Variants in RPTOR observed in about 807,000 individuals in gnomAD.
RPTOR encodes the protein regulatory-associated protein of mTOR.
A neutral mutation model predicts 169.9 loss-of-function variants in RPTOR; 21 were observed. That is an observed-to-expected ratio of 0.12 (90% confidence interval 0.09 to 0.18). RPTOR has a LOEUF of 0.18. RPTOR is among the 10% of genes least tolerant of loss of function. The pLI is 1.00. For missense variants in RPTOR, 1,133 were observed against 1,855.9 expected (o/e 0.61, Z 7.16); for synonymous variants, 732 against 753.2 (o/e 0.97, Z 0.46).
At chr17:80,859,944 C>T (rs1001823988) in intron 13 of RPTOR, among the ~76,000 whole-genome samples, 2 of 152,022 alleles carry the variant, frequency 1.3e-5, no homozygotes, top group African/African-American at 4.8e-5. Context: ...TGCGCCGGGT[C>T]TGGAGCTCCT....
chr17:80,559,682 C>T (rs2084455316), intron 1 of RPTOR, among the ~76,000 whole-genome samples: 1 of 152,142 alleles, frequency 6.6e-6, no homozygotes, highest in South Asian at 2.1e-4. Flanking sequence ...AGCTCCAGTC[C>T]AGCTCCTCAC....
At chr17:80,930,418 C>CTCCAG (rs2068877724) in intron 24 of RPTOR, among the ~76,000 whole-genome samples, 1 of 27,924 alleles carries the variant, frequency 3.6e-5, no homozygotes, top group Admixed American at 3.9e-4. Context: ...CCCAGCTCAT[C>CTCCAG]CTCAGCTCAT....
intron 13 of RPTOR, among the ~76,000 whole-genome samples, chr17:80,868,749 T>A (rs1442860835): frequency 6.6e-6 from 1 of 152,158 alleles, no homozygotes; most frequent in East Asian, 1.9e-4. Context: ...AGCGGATGAA[T>A]AAGCAAACTG....
intron 6 of RPTOR, among the ~76,000 whole-genome samples, chr17:80,766,927 G>T (rs544824036): frequency 1.4e-4 from 22 of 152,138 alleles, no homozygotes; most frequent in Non-Finnish European, 2.5e-4. Context: ...CCCAAAATTT[G>T]TAAAAATTCA....
rs929712680 is a variant in RPTOR at position 80,959,038 on chromosome 17, C to A, written c.3478-1040C>A. 2.1e-4 allele frequency among the ~76,000 whole-genome samples: 32 copies of A among 152,338 alleles called. No homozygotes were observed. The highest frequency in any genetic ancestry group is 7.5e-4 in the African/African-American group (31 of 41,584). Reference sequence around the variant, plus strand: ...GGCTCAGCCCTGCTGCCGTAGAGGGCGGTGTGGAGCAGGCCCAGCAGAGGG... The same window carrying A: ...GGCTCAGCCCTGCTGCCGTAGAGGGAGGTGTGGAGCAGGCCCAGCAGAGGG... On this transcript the variant is annotated intron_variant, in intron 29 of 33. Coordinates refer to ENST00000306801, the MANE Select transcript of RPTOR (RefSeq NM_020761.3). The surrounding 1 kb of genome is among the most constrained non-coding windows in gnomAD (Gnocchi z 6.7).
chr17:80,723,654 G>A (rs941536911), intron 4 of RPTOR, among the ~76,000 whole-genome samples: 11 of 151,262 alleles, frequency 7.3e-5, no homozygotes, highest in African/African-American at 2.7e-4. Context: ...CTCTTTGTGT[G>A]CTCGTTACTA....
intron 4 of RPTOR, among the ~76,000 whole-genome samples, chr17:80,720,103 A>C (rs2066272296): frequency 6.6e-6 from 1 of 152,110 alleles, no homozygotes; most frequent in Non-Finnish European, 1.5e-5. Context: ...GGAGTTTGAG[A>C]CCAGCATGGT....
At chr17:80,895,450 C>A (rs2068386720) in intron 20 of RPTOR, among the ~76,000 whole-genome samples, 3 of 152,240 alleles carry the variant, frequency 2.0e-5, no homozygotes, top group African/African-American at 7.2e-5. Context: ...TTGGCCCGGC[C>A]CATCTCTCTC....
chr17:80,907,628 C>A (rs900190010), intron 20 of RPTOR, among the ~76,000 whole-genome samples: 9 of 152,254 alleles, frequency 5.9e-5, no homozygotes, highest in African/African-American at 2.2e-4. Flanking sequence ...GCCCACATAG[C>A]CCGTGCCTGC....
intron 20 of RPTOR, among the ~76,000 whole-genome samples, chr17:80,902,694 T>C (rs1284967555): frequency 1.3e-5 from 2 of 152,212 alleles, no homozygotes; most frequent in African/African-American, 4.8e-5. Context: ...TGTGTCCACA[T>C]GTCCCGGGAC....
intron 7 of RPTOR, among the ~76,000 whole-genome samples, chr17:80,812,831 G>A (rs2067287013): frequency 6.6e-6 from 1 of 152,238 alleles, no homozygotes; most frequent in Non-Finnish European, 1.5e-5. Flanking sequence ...CCCTAAACCT[G>A]TGGGAACCAC....
At chr17:80,829,304 CGG>C (rs1444630395) in intron 9 of RPTOR, among the ~76,000 whole-genome samples, 2 of 152,136 alleles carry the variant, frequency 1.3e-5, no homozygotes, top group East Asian at 3.8e-4. Flanking sequence ...AGCAGAAAGA[CGG>C]GGCTGGTGTC....
chr17:80,702,046 G>A (rs1198823757), intron 3 of RPTOR, among the ~76,000 whole-genome samples: 4 of 152,174 alleles, frequency 2.6e-5, no homozygotes, highest in Non-Finnish European at 4.4e-5. Context: ...ACTTGTATGA[G>A]AAGGAGCTCC....
At chr17:80,684,727 G>A (rs2065924018) in intron 3 of RPTOR, among the ~76,000 whole-genome samples, 1 of 152,114 alleles carries the variant, frequency 6.6e-6, no homozygotes, top group South Asian at 2.1e-4. Flanking sequence ...TTACAGGCGT[G>A]AGCCACTGCG....
chr17:80,633,255 T>C lies in RPTOR; in HGVS notation c.265+7462T>C, dbSNP rs951669070. On this transcript the variant is annotated intron_variant, in intron 2 of 33. Coordinates refer to ENST00000306801, the MANE Select transcript of RPTOR (RefSeq NM_020761.3). The surrounding 1 kb of genome is among the most constrained non-coding windows in gnomAD (Gnocchi z 4.1). ...CCAGCCGGGAGTTTCTCTTTCCAGA[T>C]GACAACGCAGTCACCAAAATCAAGG... is the stretch of plus-strand genomic sequence containing the variant. Among the ~76,000 whole-genome samples, 11 of 152,236 alleles carry C rather than the reference T, an allele frequency of 7.2e-5. No homozygotes were observed. The highest frequency in any genetic ancestry group is 2.7e-4 in the African/African-American group (11 of 41,456).
intron 5 of RPTOR, among the ~76,000 whole-genome samples, chr17:80,742,720 A>G (rs1243365138): frequency 6.6e-6 from 1 of 152,036 alleles, no homozygotes; most frequent in Non-Finnish European, 1.5e-5. Context: ...ACACACCCAC[A>G]CACATACACA....
At chr17:80,837,869 C>T (rs2067582132) in intron 9 of RPTOR, 53 bp from the exon 10 acceptor site, 15 of 1,538,632 alleles carry the variant, frequency 9.7e-6, no homozygotes, top group East Asian at 6.9e-5. Flanking sequence ...GAAGTGGCCT[C>T]GTGTGGAAGC....
At chr17:80,568,736 G>T (rs567989665) in intron 1 of RPTOR, among the ~76,000 whole-genome samples, 1 of 152,240 alleles carries the variant, frequency 6.6e-6, no homozygotes, top group Non-Finnish European at 1.5e-5. Flanking sequence ...TCCCACTGAG[G>T]ATCCCCATTC....
At chr17:80,885,695 C>A (rs574337824) in intron 17 of RPTOR, among the ~76,000 whole-genome samples, 1 of 152,140 alleles carries the variant, frequency 6.6e-6, no homozygotes, top group Non-Finnish European at 1.5e-5. Context: ...GTGCCCGCCA[C>A]CACACTCGGC....
Sources: gnomAD v4.1 joint callset for allele counts (sites outside exome capture counted in the v4.1 genomes callset) on GRCh38, gnomAD v4.1.1 for gene constraint, Gnocchi (gnomAD v3.1) non-coding constraint, MANE v1.5 for transcripts, NCBI Gene and HGNC (gene_info 2026-07-23, HGNC 2026-07-21) for gene names.